Variants in EXTL2 observed in about 807,000 individuals in gnomAD.
EXTL2 encodes exostosin-like 2.
A neutral mutation model predicts 30.7 loss-of-function variants in EXTL2; 23 were observed. The ratio of observed to expected loss-of-function variants is 0.75; its 90% CI spans 0.54 to 1.06. The LOEUF is 1.06. EXTL2 is among the 50% of genes least tolerant of loss of function. The pLI, the probability that EXTL2 is intolerant of heterozygous loss-of-function variation, is 0.00. For synonymous variants in EXTL2, 123 were observed against 133.8 expected (o/e 0.92, Z 0.56); for missense variants, 352 against 396.3 (o/e 0.89, Z 0.95).
rs536819218 is a variant in EXTL2 at position 100,888,576 on chromosome 1, C to A, written c.5+177G>T. 1.0e-4 allele frequency: 40 copies of A among 399,960 alleles called. 1 individual carries two copies. In the South Asian group the frequency reaches 3.1e-3, roughly 31 times the overall value. The allele number at this position is 399,960 out of a possible 1,614,324, so 24.8% of individuals were successfully genotyped here. ...TAGGAAGAAATGGACAGTTGTTGTTCAGTGGGTATAAAGTTTCAGTTTTGC... is the reference window on the plus strand; with the variant it reads ...TAGGAAGAAATGGACAGTTGTTGTTAAGTGGGTATAAAGTTTCAGTTTTGC... On this transcript the variant is annotated intron_variant, in intron 2 of 4. Transcript: ENST00000370114.
In EXTL2 at chr1:100,877,558, G is replaced by A; in HGVS notation, c.351C>T (p.His117=). ...PDELWNSLGP[H]PIPVIFKQQT... The stretch of plus-strand genomic sequence containing the variant: ...GTTGTTTGAAGATCACAGGGATAGG[G>A]TGGGGCCCTAGAGAATTCCATAATT... Residue 117 remains histidine, a synonymous_variant, in exon 3 of 5, where the codon CAC becomes CAT. Coordinates refer to ENST00000370114, the MANE Select transcript of EXTL2 (RefSeq NM_001033025.3). This position sits in a 1 kb window ranked among gnomAD's most constrained non-coding sequence, Gnocchi z 4.1. The A allele has an allele frequency of 6.2e-7, 1 of 1,613,402 alleles. No individual in the cohort carries two copies. Among genetic ancestry groups the A allele is most frequent in the Non-Finnish European group, 8.5e-7 (1 of 1,179,582 alleles).
At chr1:100,892,692 C>G (rs1171474272) in intron 1 of EXTL2, among the ~76,000 whole-genome samples, 3 of 152,172 alleles carry the variant, frequency 2.0e-5, no homozygotes, top group Admixed American at 1.3e-4. Flanking sequence ...CACACGATCC[C>G]AACTATCTAA....
Position 100,880,189 on chromosome 1 carries a change from AAAG to A in EXTL2, c.6-2289_6-2287del, listed in dbSNP as rs140424494. ...TTGAAGTTTAAGTTTAGAGAATTGCAAAGAAGGACAAGAGCATACTCTCCATGA... is the reference window on the plus strand; with the variant it reads ...TTGAAGTTTAAGTTTAGAGAATTGCAAAGGACAAGAGCATACTCTCCATGA... On this transcript the variant is annotated intron_variant, in intron 2 of 4. Coordinates refer to ENST00000370114, the MANE Select transcript of EXTL2 (RefSeq NM_001033025.3). Among the ~76,000 whole-genome samples the A allele has an allele frequency of 5.7e-3, 872 of 152,230 alleles. 7 individuals carry two copies. The highest frequency in any genetic ancestry group is 0.019 in the African/African-American group (809 of 41,546).
chr1:100,881,369 G>A (rs183581422), intron 2 of EXTL2, among the ~76,000 whole-genome samples: 1 of 152,182 alleles, frequency 6.6e-6, no homozygotes. Context: ...TTTAGAGAAA[G>A]AACCTATCAT....
chr1:100,888,091 A>G (rs939762231), intron 2 of EXTL2, among the ~76,000 whole-genome samples: 1 of 152,212 alleles, frequency 6.6e-6, no homozygotes, highest in Non-Finnish European at 1.5e-5. Context: ...TACTGACTTC[A>G]TTCTGTAACC....
chr1:100,875,366 T>G (rs147400062), intron 4 of EXTL2, among the ~76,000 whole-genome samples: 141 of 152,018 alleles, frequency 9.3e-4, no homozygotes, highest in Non-Finnish European at 1.5e-3. Flanking sequence ...GAAAGTTGTT[T>G]TAAGTGCAGC....
chr1:100,878,113 T>C (rs1649272946), intron 2 of EXTL2, among the ~76,000 whole-genome samples: 1 of 152,182 alleles, frequency 6.6e-6, no homozygotes, highest in Non-Finnish European at 1.5e-5. Context: ...TGTTACGCAG[T>C]TGCAGACAAA....
chr1:100,884,455 G>GA (rs1649809064), intron 2 of EXTL2, among the ~76,000 whole-genome samples: 1 of 152,162 alleles, frequency 6.6e-6, no homozygotes, highest in South Asian at 2.1e-4. Context: ...GATGCAAAAA[G>GA]AAAATTGGAA....
intron 2 of EXTL2, among the ~76,000 whole-genome samples, chr1:100,883,564 T>C (rs1227665642): frequency 1.3e-5 from 2 of 152,248 alleles, no homozygotes; most frequent in African/African-American, 4.8e-5. Context: ...GTATATATCA[T>C]GAGGTATATA....
chr1:100,877,523 T>C lies in EXTL2; in HGVS notation c.386A>G (p.Asn129Ser). The change falls in exon 3 of 5, where the codon AAC becomes AGC. Residue 129 changes from asparagine (N) to serine (S), a missense_variant. Transcript: ENST00000370114. The surrounding 1 kb of genome is among the most constrained non-coding windows in gnomAD (Gnocchi z 4.1). ...IPVIFKQQTANRMRNRLQVFP... is the reference protein window; with the variant it reads ...IPVIFKQQTASRMRNRLQVFP... ...GACCTGGAGTCGATTTCTCATCCTG[T>C]TTGCTGTCTGTTGTTTGAAGATCAC... The C allele has an allele frequency of 1.9e-6, 3 of 1,612,170 alleles. No homozygotes were observed. Among genetic ancestry groups the C allele is most frequent in the Non-Finnish European group, 2.5e-6 (3 of 1,179,040 alleles).
intron 2 of EXTL2, among the ~76,000 whole-genome samples, chr1:100,879,762 T>G (rs1268892861): frequency 2.0e-5 from 3 of 152,164 alleles, no homozygotes; most frequent in African/African-American, 7.2e-5. Flanking sequence ...GTACATTTTA[T>G]TTTTGGTACT....
rs534048867 is a variant in EXTL2, at chr1:100,887,712, C to CT, written c.5+1040dup. 4.0e-3 allele frequency among the ~76,000 whole-genome samples: 597 copies of CT among 148,974 alleles called. 2 individuals are homozygous for CT. The highest frequency in any genetic ancestry group is 5.2e-3 in the Non-Finnish European group (351 of 66,900). ...GAGCTACATTGTATTTTCTTTTTTTCTTTTTTTTTTGAGACAGAGTCTCAC... is the reference window on the plus strand; with the variant it reads ...GAGCTACATTGTATTTTCTTTTTTTCTTTTTTTTTTTGAGACAGAGTCTCAC... On this transcript the variant is annotated intron_variant, in intron 2 of 4. Coordinates refer to ENST00000370114, the MANE Select transcript of EXTL2 (RefSeq NM_001033025.3).
intron 2 of EXTL2, among the ~76,000 whole-genome samples, chr1:100,887,275 T>C (rs1650042522): frequency 6.6e-6 from 1 of 152,232 alleles, no homozygotes; most frequent in Non-Finnish European, 1.5e-5. Flanking sequence ...TTCATACAGA[T>C]GAATTATGGC....
chr1:100,875,840 A>G (rs928947449), intron 4 of EXTL2, among the ~76,000 whole-genome samples: 68 of 152,250 alleles, frequency 4.5e-4, no homozygotes, highest in African/African-American at 1.6e-3. Flanking sequence ...TTAAGCATCA[A>G]TAGAAATCTC....
At position 100,872,870 on chromosome 1, in the gene EXTL2, T is replaced by C. The variant is rs1349634397; in HGVS notation, c.*1072A>G. The C allele has an allele frequency of 1.3e-5, 2 of 152,074 alleles. No homozygotes were observed. The highest frequency in any genetic ancestry group is 4.8e-5 in the African/African-American group (2 of 41,436). The allele number at this position is 152,074 out of a possible 1,614,324, so 9.4% of individuals were successfully genotyped here. A position where few individuals can be genotyped will look rare whatever the true frequency, so the allele number is the denominator to read the frequency against. ...TTAAGAATGAATTGATGCAGACTCC[T>C]ATAGAATTCCTCTGTTATGACTGGG... On this transcript the variant is annotated 3_prime_UTR_variant, in exon 5 of 5. Transcript: ENST00000370114.
intron 1 of EXTL2, among the ~76,000 whole-genome samples, chr1:100,894,029 T>A (rs1650639956): frequency 6.6e-6 from 1 of 152,160 alleles, no homozygotes; most frequent in Non-Finnish European, 1.5e-5. Flanking sequence ...TTTGTAGCAA[T>A]ACAGTATAAA....
chr1:100,888,026 A>T (rs1025428564), intron 2 of EXTL2, among the ~76,000 whole-genome samples: 9 of 152,164 alleles, frequency 5.9e-5, no homozygotes, highest in Admixed American at 1.3e-4. Context: ...ATGTCTTCTG[A>T]ATAGTCTCTA....
Position 100,877,603 on chromosome 1 carries a change from A to C in EXTL2, c.306T>G (p.Ile102Met). 6.2e-7 allele frequency: 1 copy of C among 1,613,566 alleles called. No homozygotes were observed. The highest frequency in any genetic ancestry group is 8.5e-7 in the Non-Finnish European group (1 of 1,179,660). Residue 102 changes from isoleucine to methionine, a missense_variant, in exon 3 of 5, where the codon ATT (isoleucine) becomes ATG (methionine). By Grantham distance (10) the Ile-to-Met change is conservative. Transcript: ENST00000370114. The surrounding 1 kb of genome is among the most constrained non-coding windows in gnomAD (Gnocchi z 4.1). ...ATAATTCATCTGGTGCCTTCTCTCCAATATTGTTCCATACCACAATCACTT... is the reference window on the plus strand; with the variant it reads ...ATAATTCATCTGGTGCCTTCTCTCCCATATTGTTCCATACCACAATCACTT... ...LHKVIVVWNN[I>M]GEKAPDELWN...
intron 4 of EXTL2, among the ~76,000 whole-genome samples, chr1:100,876,376 A>G: frequency 6.6e-6 from 1 of 152,102 alleles, no homozygotes; most frequent in Non-Finnish European, 1.5e-5. Flanking sequence ...ATGCTCTCAG[A>G]ACCAGGATTA....
Sources: allele counts gnomAD v4.1 joint callset (sites outside exome capture counted in the v4.1 genomes callset), GRCh38; gene constraint gnomAD v4.1.1; non-coding constraint Gnocchi (gnomAD v3.1); transcripts MANE v1.5; gene names NCBI Gene and HGNC (gene_info 2026-07-23, HGNC 2026-07-21).